Variants in PHF21B observed in about 807,000 individuals in gnomAD.
The protein encoded by PHF21B is PHD finger protein 4.
PHF21B carries 22 observed loss-of-function variants against 62.2 expected under a neutral mutation model. That is an observed-to-expected ratio of 0.35 (90% CI 0.25 to 0.51). The LOEUF (loss-of-function observed/expected upper bound fraction) is 0.51. Among genes scored for constraint, PHF21B ranks in the 20% least tolerant of loss-of-function variants. PHF21B has a pLI of 0.97. For missense variants in PHF21B, 701 were observed against 707.9 expected, an observed-to-expected ratio of 0.99 and a Z score of 0.11; for synonymous variants, 341 against 314.7, an observed-to-expected ratio of 1.08 and a Z score of -0.88.
rs1326375422 is a variant in PHF21B, at chr22:44,881,792, T to C, written c.*1294A>G. On this transcript the variant is annotated 3_prime_UTR_variant, in exon 13 of 13. Coordinates refer to ENST00000313237, the MANE Select transcript of PHF21B (RefSeq NM_138415.5). Reference sequence around the variant, plus strand: ...TGGACGCTTATCCTGTTGTGCTGAGTCCCTCAGGACTGGGATGTGGGAATC... The same window carrying C: ...TGGACGCTTATCCTGTTGTGCTGAGCCCCTCAGGACTGGGATGTGGGAATC... The C allele has an allele frequency of 6.6e-6, 1 of 152,628 alleles. No homozygotes were observed. Among genetic ancestry groups the C allele is most frequent in the African/African-American group, 2.4e-5 (1 of 41,442 alleles). 9.5% of individuals were successfully genotyped at this position (152,628 alleles called of 1,614,324 possible).
chr22:44,943,211 T>C (rs2071996163), intron 2 of PHF21B, among the ~76,000 whole-genome samples: 1 of 152,162 alleles, frequency 6.6e-6, no homozygotes, highest in Admixed American at 6.5e-5. Flanking sequence ...AGAAAAGAGC[T>C]GCCTGTAGTC....
chr22:44,942,416 G>A (rs2071976373), intron 2 of PHF21B, among the ~76,000 whole-genome samples: 1 of 152,180 alleles, frequency 6.6e-6, no homozygotes, highest in Admixed American at 6.5e-5. Flanking sequence ...GCCAATTCCT[G>A]ACTAACCCCA....
intron 2 of PHF21B, among the ~76,000 whole-genome samples, chr22:44,936,494 C>T (rs1013704972): frequency 4.6e-5 from 7 of 152,192 alleles, no homozygotes; most frequent in African/African-American, 1.7e-4. Context: ...CTGGATGCCT[C>T]GCTGCCCACT....
intron 10 of PHF21B, among the ~76,000 whole-genome samples, chr22:44,886,834 A>C (rs980880440): frequency 4.6e-5 from 7 of 152,196 alleles, no homozygotes; most frequent in Non-Finnish European, 8.8e-5. Context: ...GGAACTCCCA[A>C]TGGTTAATAC....
rs2070763524 is a variant in PHF21B at position 44,882,881 on chromosome 22, C to CT, written c.*204dup. On this transcript the variant is annotated 3_prime_UTR_variant, in exon 13 of 13. Coordinates refer to ENST00000313237, the MANE Select transcript of PHF21B (RefSeq NM_138415.5). ...ACCCCACCTGGCTCCTAGGTACCCC[C>CT]TGTGAATTTGGAGGGCACAGGGCCG... 2 of 588,426 alleles carry CT rather than the reference C, an allele frequency of 3.4e-6. No individual in the cohort carries two copies. Among genetic ancestry groups the CT allele is most frequent in the Non-Finnish European group, 5.7e-6 (2 of 351,272 alleles). 36.5% of individuals were successfully genotyped at this position (588,426 alleles called of 1,614,324 possible). A position where few individuals can be genotyped will look rare whatever the true frequency, so the allele number is the denominator to read the frequency against.
In PHF21B at chr22:44,989,840, C is replaced by A. The variant is rs532778447; in HGVS notation, c.120+18705G>T. 7.7e-4 allele frequency among the ~76,000 whole-genome samples: 118 copies of A among 152,272 alleles called. 1 individual carries two copies. Among genetic ancestry groups the A allele is most frequent in the Non-Finnish European group, 1.6e-3 (108 of 68,016 alleles). On this transcript the variant is annotated intron_variant, in intron 2 of 12. Coordinates refer to ENST00000313237, the MANE Select transcript of PHF21B (RefSeq NM_138415.5). ...GACTAGGCTGGTCTCAAACTCCCAA[C>A]CTCAGGTGATCCACCTGCCTTGGCC...
At chr22:44,912,457 A>G (rs182269360) in intron 5 of PHF21B, among the ~76,000 whole-genome samples, 6 of 152,160 alleles carry the variant, frequency 3.9e-5, no homozygotes, top group Non-Finnish European at 1.5e-5. Context: ...GGTCTTTCCC[A>G]TGCTGTTCTC....
At chr22:44,921,371 C>CT (rs912400201) in intron 2 of PHF21B, among the ~76,000 whole-genome samples, 28 of 135,024 alleles carry the variant, frequency 2.1e-4, no homozygotes, top group East Asian at 4.2e-4. Flanking sequence ...TTTTTTTTTT[C>CT]TTTTTTTTTT....
intron 2 of PHF21B, among the ~76,000 whole-genome samples, chr22:44,949,364 G>A (rs2072149123): frequency 6.6e-6 from 1 of 151,436 alleles, no homozygotes; most frequent in Non-Finnish European, 1.5e-5. Context: ...TGCACCAGCT[G>A]GAAGAGGGAA....
intron 12 of PHF21B, among the ~76,000 whole-genome samples, chr22:44,884,085 ACCG>A (rs1265657093): frequency 9.5e-5 from 14 of 147,176 alleles, no homozygotes; most frequent in East Asian, 8.4e-4. Context: ...CATTATCACC[ACCG>A]CCACCACCAT....
chr22:44,942,387 G>A (rs1440802258), intron 2 of PHF21B, among the ~76,000 whole-genome samples: 1 of 152,190 alleles, frequency 6.6e-6, no homozygotes, highest in African/African-American at 2.4e-5. Context: ...GGGGACAAGA[G>A]AATAACTGCA....
At chr22:44,929,378 C>T (rs926966488) in intron 2 of PHF21B, among the ~76,000 whole-genome samples, 1 of 152,242 alleles carries the variant, frequency 6.6e-6, no homozygotes, top group Non-Finnish European at 1.5e-5. Flanking sequence ...GACATCCCGC[C>T]TTCATGAGCC....
At chr22:44,913,770 T>C in intron 5 of PHF21B, 52 bp downstream of exon 5, 1 of 1,561,810 alleles carries the variant, frequency 6.4e-7, no homozygotes, top group Non-Finnish European at 8.7e-7. Context: ...CGGCCTCAGA[T>C]GGCACCTGCA....
intron 2 of PHF21B, among the ~76,000 whole-genome samples, chr22:45,004,842 G>GAGC (rs1381709811): frequency 6.6e-6 from 1 of 152,244 alleles, no homozygotes; most frequent in Non-Finnish European, 1.5e-5. Flanking sequence ...TGCACTCGGG[G>GAGC]ACAGCCTCTC....
rs143121715 is a variant in PHF21B, at chr22:44,915,881, G to C, written c.564+399C>G. ...GGGCAGTGGGGTAAAAACAGCCCTT[G>C]ACCGTCCAACTCCACCAGCAGAAAC... On this transcript the variant is annotated intron_variant, in intron 4 of 12. Coordinates refer to ENST00000313237, the MANE Select transcript of PHF21B (RefSeq NM_138415.5). Among the ~76,000 whole-genome samples, 286 of 152,318 alleles carry C rather than the reference G, an allele frequency of 1.9e-3. 2 individuals are homozygous for C. Among genetic ancestry groups the C allele is most frequent in the Non-Finnish European group, 3.4e-3 (232 of 68,024 alleles).
intron 2 of PHF21B, among the ~76,000 whole-genome samples, chr22:44,997,813 T>C (rs954160181): frequency 5.3e-5 from 8 of 152,178 alleles, no homozygotes; most frequent in African/African-American, 1.9e-4. Context: ...CCAAATTGAC[T>C]ACAGCTTCAC....
chr22:44,991,206 A>G (rs1432359305), intron 2 of PHF21B, among the ~76,000 whole-genome samples: 1 of 152,076 alleles, frequency 6.6e-6, no homozygotes, highest in Non-Finnish European at 1.5e-5. Flanking sequence ...AAATGAGGAA[A>G]CCCTCCTTGA....
chr22:44,907,072 G>A (rs2147284062), intron 5 of PHF21B, among the ~76,000 whole-genome samples: 1 of 152,310 alleles, frequency 6.6e-6, no homozygotes, highest in Admixed American at 6.5e-5. Context: ...CAGATGTGAG[G>A]AGCCTGCTAG....
At chr22:44,986,828 G>T (rs960328748) in intron 2 of PHF21B, among the ~76,000 whole-genome samples, 3 of 151,874 alleles carry the variant, frequency 2.0e-5, no homozygotes, top group Non-Finnish European at 2.9e-5. Context: ...CCTGGAGCTG[G>T]GGAGAGGGCA....
Sources: gnomAD v4.1 joint callset for allele counts (sites outside exome capture counted in the v4.1 genomes callset) on GRCh38, gnomAD v4.1.1 for gene constraint, MANE v1.5 for transcripts, NCBI Gene and HGNC (gene_info 2026-07-23, HGNC 2026-07-21) for gene names.